The following IQSEC1 variants were observed in gnomAD, a reference collection of about 807,000 sequenced individuals.
The protein encoded by IQSEC1 is IQ motif and SEC7 domain-containing protein 1.
A neutral mutation model predicts 91.0 loss-of-function variants in IQSEC1; 31 were observed. That is an observed-to-expected ratio of 0.34 (90% CI 0.26 to 0.46). The LOEUF (loss-of-function observed/expected upper bound fraction) is 0.46, where lower values mean the gene tolerates loss of function less well. Among genes scored for constraint, IQSEC1 ranks in the 20% least tolerant of loss-of-function variants. The pLI is 1.00. For synonymous variants in IQSEC1, 699 were observed against 662.6 expected (o/e 1.05, Z -0.84); for missense variants, 1,388 against 1,575.6 (o/e 0.88, Z 2.02).
At chr3:12,998,367 A>G (rs1435490637) in intron 1 of IQSEC1, among the ~76,000 whole-genome samples, 4 of 152,182 alleles carry the variant, frequency 2.6e-5, no homozygotes, top group African/African-American at 9.7e-5. Flanking sequence ...AACAAACAAC[A>G]AAACAAGACA....
At chr3:12,932,358 T>C (rs1208527255) in intron 3 of IQSEC1, among the ~76,000 whole-genome samples, 1 of 152,192 alleles carries the variant, frequency 6.6e-6, no homozygotes, top group Admixed American at 6.5e-5. Flanking sequence ...TAGCAGTTCC[T>C]ACATCATGGA....
At chr3:13,028,819 G>A (rs1387592297) in intron 1 of IQSEC1, among the ~76,000 whole-genome samples, 1 of 152,214 alleles carries the variant, frequency 6.6e-6, no homozygotes, top group Non-Finnish European at 1.5e-5. Context: ...TGTTGGAGAT[G>A]GAGAATGGAG....
intron 2 of IQSEC1, among the ~76,000 whole-genome samples, chr3:13,158,284 C>T (rs989456092): frequency 2.0e-5 from 3 of 152,240 alleles, no homozygotes; most frequent in African/African-American, 4.8e-5. Context: ...GAGTTCAGCT[C>T]TGTCTACCTG....
At chr3:13,047,504 TC>T (rs1487949876) in intron 1 of IQSEC1, 1 of 985,164 alleles carries the variant, frequency 1.0e-6, no homozygotes, top group Non-Finnish European at 1.2e-6. Context: ...AGAGGCTGCT[TC>T]CGGTGTCCAG....
chr3:12,920,736 T>TCAG, intron 5 of IQSEC1, 140 bp from the exon 6 acceptor site: 3 of 865,428 alleles, frequency 3.5e-6, no homozygotes, highest in Non-Finnish European at 5.4e-6. Context: ...CTGTCGGAGT[T>TCAG]GGCCCTGACT....
At position 13,163,301 on chromosome 3, in the gene IQSEC1, T is replaced by A. The variant is rs528487641; in HGVS notation, c.302+803A>T. ...CATCTCATCTCCCCAGCCTGTAACA[T>A]CACAATACAAACCAGCCACCTCAGG... On this transcript the variant is annotated intron_variant, in intron 2 of 15. Transcript: ENST00000648114. Among the ~76,000 whole-genome samples, 6 of 152,142 alleles carry A rather than the reference T, an allele frequency of 3.9e-5. No homozygotes were observed. The East Asian group carries it at 7.8e-4, about 20-fold the overall frequency.
At chr3:12,930,887 T>C (rs1386459497) in intron 3 of IQSEC1, among the ~76,000 whole-genome samples, 1 of 152,038 alleles carries the variant, frequency 6.6e-6, no homozygotes, top group Non-Finnish European at 1.5e-5. Context: ...AACTTCAGCA[T>C]TCGGAGAGTC....
At chr3:12,902,893 C>CGCT in intron 12 of IQSEC1, 71 bp from the exon 13 acceptor site, 2 of 1,158,450 alleles carry the variant, frequency 1.7e-6, no homozygotes, top group Non-Finnish European at 2.6e-6. Flanking sequence ...CCTGGTGCCA[C>CGCT]GCTGCTGCCA....
intron 1 of IQSEC1, among the ~76,000 whole-genome samples, chr3:13,165,578 G>GTGT (rs1377649445): frequency 9.5e-6 from 1 of 105,698 alleles, no homozygotes; most frequent in Non-Finnish European, 1.8e-5. Context: ...GTGTGTGTGT[G>GTGT]TGTCTGTCTG....
At position 13,227,560 on chromosome 3, in the gene IQSEC1, T is replaced by C. The variant is rs573358075; in HGVS notation, c.272+55151A>G. Reference sequence around the variant, plus strand: ...GGGGCTGTGCCCACTGTGAGGACTCTGGTTGTCACCTGGGTGAGGTGGGTG... The same window carrying C: ...GGGGCTGTGCCCACTGTGAGGACTCCGGTTGTCACCTGGGTGAGGTGGGTG... On this transcript the variant is annotated intron_variant, in intron 1 of 15. Transcript: ENST00000648114. Among the ~76,000 whole-genome samples, 5 of 152,148 alleles carry C rather than the reference T, an allele frequency of 3.3e-5. No individual in the cohort carries two copies. The South Asian group carries it at 1.0e-3, about 32-fold the overall frequency.
At chr3:12,957,496 C>T (rs376350867) in intron 1 of IQSEC1, among the ~76,000 whole-genome samples, 4 of 152,228 alleles carry the variant, frequency 2.6e-5, no homozygotes, top group South Asian at 2.1e-4. Context: ...TATTTCCATA[C>T]GCACCAAATG....
chr3:12,918,039 C>T (rs911884964), intron 6 of IQSEC1, among the ~76,000 whole-genome samples: 3 of 152,196 alleles, frequency 2.0e-5, no homozygotes, highest in Non-Finnish European at 4.4e-5. Flanking sequence ...TCCATGCACT[C>T]GGCACAGAGC....
At position 12,940,327 on chromosome 3, in the gene IQSEC1, C is replaced by T. The variant is rs1698635000; in HGVS notation, c.318+1244G>A. ...CACTCCCTTAGGAAGTTGGGGCACA[C>T]CAGGCCCAGAACTCTACTCCTTAAA... On this transcript the variant is annotated intron_variant, in intron 2 of 13. Coordinates refer to ENST00000613206, the MANE Select transcript of IQSEC1 (RefSeq NM_001134382.3). This position sits in a 1 kb window ranked among gnomAD's most constrained non-coding sequence, Gnocchi z 4.4. 6.6e-6 allele frequency among the ~76,000 whole-genome samples: 1 copy of T among 152,084 alleles called. No homozygotes were observed. Among genetic ancestry groups the T allele is most frequent in the South Asian group, 2.1e-4 (1 of 4,820 alleles).
intron 1 of IQSEC1, among the ~76,000 whole-genome samples, chr3:13,169,662 A>C (rs1693571080): frequency 6.6e-6 from 1 of 152,238 alleles, no homozygotes; most frequent in Admixed American, 6.5e-5. Flanking sequence ...GGAGATGAGA[A>C]ACTTGTTGGG....
chr3:13,271,033 G>A (rs1695582336), intron 1 of IQSEC1, among the ~76,000 whole-genome samples: 1 of 152,190 alleles, frequency 6.6e-6, no homozygotes, highest in Non-Finnish European at 1.5e-5. Flanking sequence ...ATTGTTACTA[G>A]GGACTGAGAA....
chr3:12,921,489 G>A (rs996701151), intron 5 of IQSEC1, among the ~76,000 whole-genome samples: 2 of 152,248 alleles, frequency 1.3e-5, no homozygotes, highest in Admixed American at 6.5e-5. Context: ...GGATGACTGC[G>A]TAGTGACCGC....
chr3:13,199,616 T>C (rs1181377933), intron 1 of IQSEC1, among the ~76,000 whole-genome samples: 1 of 152,106 alleles, frequency 6.6e-6, no homozygotes, highest in Non-Finnish European at 1.5e-5. Flanking sequence ...CCTCCTTCAG[T>C]GTACTTTTCA....
intron 6 of IQSEC1, among the ~76,000 whole-genome samples, chr3:12,917,956 C>T (rs1696264413): frequency 1.3e-5 from 2 of 152,252 alleles, no homozygotes; most frequent in South Asian, 4.1e-4. Flanking sequence ...ACTGGACAAA[C>T]TGCGCTGACC....
intron 2 of IQSEC1, among the ~76,000 whole-genome samples, chr3:13,113,642 G>T (rs1227577253): frequency 6.6e-6 from 1 of 152,194 alleles, no homozygotes; most frequent in Non-Finnish European, 1.5e-5. Context: ...TGCGGCGGTG[G>T]GAATGTGAGG....
Sources: gnomAD v4.1 joint callset for allele counts (sites outside exome capture counted in the v4.1 genomes callset) on GRCh38, gnomAD v4.1.1 for gene constraint, Gnocchi (gnomAD v3.1) non-coding constraint, MANE v1.5 for transcripts, NCBI Gene and HGNC (gene_info 2026-07-23, HGNC 2026-07-21) for gene names.